ZNF813: variants seen among roughly 807,000 people sequenced by gnomAD.
ZNF813 encodes zinc finger protein 813.
ZNF813 carries 3 observed loss-of-function variants against 7.2 expected under a neutral mutation model. The observed-to-expected ratio is 0.42, with a 90% confidence interval of 0.19 to 1.08. ZNF813 has a LOEUF of 1.08. Among genes scored for constraint, ZNF813 ranks in the 50% least tolerant of loss-of-function variants. The pLI, the probability that ZNF813 is intolerant of heterozygous loss-of-function variation, is 0.30. For synonymous variants in ZNF813, 227 were observed against 256.3 expected (o/e 0.89, Z 1.09); for missense variants, 714 against 753.3 (o/e 0.95, Z 0.61).
At chr19:53,468,482 A>G (rs966360399) in intron 1 of ZNF813, among the ~76,000 whole-genome samples, 1 of 152,222 alleles carries the variant, frequency 6.6e-6, no homozygotes, top group African/African-American at 2.4e-5. Context: ...GACCGGCACC[A>G]GTGCCAGCCT....
chr19:53,491,169 A>G lies in ZNF813; in HGVS notation c.937A>G (p.Asn313Asp). The change falls in exon 4 of 4, where the codon AAC becomes GAC. Residue 313 changes from asparagine (N) to aspartate (D), a missense_variant. Transcript: ENST00000396403. ...TGACAAAGCTTTCAGTTTCAAATCA[A>G]ACCTTAAAAGACATAGGAGAATTCA... ...ECDKAFSFKSNLKRHRRIHAG... is the reference protein window; with the variant it reads ...ECDKAFSFKSDLKRHRRIHAG... The G allele has an allele frequency of 6.2e-7, 1 of 1,613,938 alleles. No homozygotes were observed.
intron 1 of ZNF813, among the ~76,000 whole-genome samples, chr19:53,474,069 G>A (rs2086371540): frequency 6.6e-6 from 1 of 152,206 alleles, no homozygotes; most frequent in South Asian, 2.1e-4. Context: ...AGCTGCAAAT[G>A]CTGGCCCATT....
Position 53,491,244 on chromosome 19 carries a change from C to G in ZNF813, c.1012C>G (p.Gln338Glu). 1.2e-6 allele frequency: 2 copies of G among 1,613,856 alleles called. No individual in the cohort carries two copies. The highest frequency in any genetic ancestry group is 1.7e-6 in the Non-Finnish European group (2 of 1,179,786). Residue 338 changes from glutamine to glutamate, a missense_variant, in exon 4 of 4, where the codon CAG becomes GAG. Physicochemically the swap from Gln to Glu is conservative, Grantham distance 29. Around this residue, in one of 3 missense-constraint regions of ZNF813, gnomAD observed 563 missense variants for 554.2 expected, o/e 1.02. Transcript: ENST00000396403. ...KCNECGKTFS[Q>E]TSSLTCHRRL... ...TAATGAATGTGGCAAGACCTTTAGT[C>G]AGACGTCATCCCTTACATGCCATCG...
At chr19:53,476,283 T>G (rs1156611194) in intron 1 of ZNF813, among the ~76,000 whole-genome samples, 1 of 152,176 alleles carries the variant, frequency 6.6e-6, no homozygotes, top group Non-Finnish European at 1.5e-5. Flanking sequence ...CAAGGTGCAG[T>G]TGCTATTTGG....
chr19:53,475,354 G>A (rs1377042078), intron 1 of ZNF813, among the ~76,000 whole-genome samples: 1 of 152,280 alleles, frequency 6.6e-6, no homozygotes, highest in African/African-American at 2.4e-5. Context: ...TTCTAGCACA[G>A]AACTACTTCC....
rs2086454543 is a variant in ZNF813, at chr19:53,490,536, C to G, written c.304C>G (p.Gln102Glu). The change falls in exon 4 of 4, where the codon CAA becomes GAA. Residue 102 changes from glutamine to glutamate, a missense_variant. Transcript: ENST00000396403. Reference protein sequence around the residue: ...KDIHNLEFQWQEDERNSHEAP... With the variant: ...KDIHNLEFQWEEDERNSHEAP... ...TATTCATAACTTAGAGTTTCAGTGGCAAGAAGATGAAAGAAATAGCCATGA... is the reference window on the plus strand; with the variant it reads ...TATTCATAACTTAGAGTTTCAGTGGGAAGAAGATGAAAGAAATAGCCATGA... The G allele has an allele frequency of 1.9e-6, 3 of 1,614,038 alleles. No individual in the cohort carries two copies. The highest frequency in any genetic ancestry group is 1.7e-6 in the Non-Finnish European group (2 of 1,180,020).
At chr19:53,482,530 C>T (rs1478659047) in intron 1 of ZNF813, among the ~76,000 whole-genome samples, 1 of 152,012 alleles carries the variant, frequency 6.6e-6, no homozygotes, top group Non-Finnish European at 1.5e-5. Flanking sequence ...GGTCATTGTC[C>T]CTCCTCTTAC....
At chr19:53,479,366 C>T in intron 1 of ZNF813, 2 of 1,590,656 alleles carry the variant, frequency 1.3e-6, no homozygotes, top group Non-Finnish European at 1.7e-6. Flanking sequence ...GGGATCACCA[C>T]CATCGAGGCA....
chr19:53,488,643 C>T (rs916893124), intron 3 of ZNF813, among the ~76,000 whole-genome samples: 1 of 148,320 alleles, frequency 6.7e-6, no homozygotes, highest in Non-Finnish European at 1.5e-5. Flanking sequence ...AGGATGGTCT[C>T]GATCTGACCT....
intron 1 of ZNF813, among the ~76,000 whole-genome samples, chr19:53,478,966 A>G (rs2086394671): frequency 7.2e-6 from 1 of 139,720 alleles, no homozygotes; most frequent in Non-Finnish European, 1.5e-5. Context: ...GCAGAATCTT[A>G]TGCAGTGACC....
At chr19:53,480,335 T>C (rs910237940) in intron 1 of ZNF813, among the ~76,000 whole-genome samples, 1 of 149,166 alleles carries the variant, frequency 6.7e-6, no homozygotes, top group African/African-American at 2.5e-5. Flanking sequence ...GTGAGCCCAA[T>C]GCATGTCTTT....
Position 53,492,053 on chromosome 19 carries a change from C to T in ZNF813, c.1821C>T (p.Tyr607=). The change falls in exon 4 of 4, where the codon TAC becomes TAT. Residue 607 remains tyrosine, a synonymous_variant. Coordinates refer to ENST00000396403, the MANE Select transcript of ZNF813 (RefSeq NM_001004301.4). ...HHRLHTGEKP[Y]KFNECGKAFN ...GACTTCATACTGGAGAGAAACCTTA[C>T]AAGTTTAATGAGTGTGGCAAAGCTT... 6.2e-7 allele frequency: 1 copy of T among 1,613,706 alleles called. No homozygotes were observed. The highest frequency in any genetic ancestry group is 8.5e-7 in the Non-Finnish European group (1 of 1,179,860).
Position 53,491,857 on chromosome 19 carries a change from A to G in ZNF813, c.1625A>G (p.His542Arg). The change falls in exon 4 of 4, where the codon CAT (histidine) becomes CGT (arginine). Residue 542 changes from histidine (H) to arginine (R), a missense_variant. His to Arg is a conservative substitution (Grantham distance 29). Transcript: ENST00000396403. ...CGAAAAACACACCTTGCACATCATC[A>G]TAGACTTCATACTGGAGATAAACCT... The part of the protein sequence containing the change: ...FNRKTHLAHH[H>R]RLHTGDKPYK... 2 of 1,613,368 alleles carry G rather than the reference A, an allele frequency of 1.2e-6. No individual in the cohort carries two copies. Among genetic ancestry groups the G allele is most frequent in the Non-Finnish European group, 1.7e-6 (2 of 1,179,470 alleles).
chr19:53,478,018 A>C (rs2086389813), intron 1 of ZNF813, among the ~76,000 whole-genome samples: 1 of 152,186 alleles, frequency 6.6e-6, no homozygotes, highest in African/African-American at 2.4e-5. Flanking sequence ...CATAGAGGTC[A>C]GCTTCCACTT....
At position 53,492,417 on chromosome 19, in the gene ZNF813, C is replaced by A; in HGVS notation, c.*331C>A. 4.4e-6 allele frequency: 2 copies of A among 450,980 alleles called. No homozygotes were observed. Among genetic ancestry groups the A allele is most frequent in the South Asian group, 2.3e-5 (1 of 44,424 alleles). The allele number at this position is 450,980 out of a possible 1,614,324, so 27.9% of individuals were successfully genotyped here. A position where few individuals can be genotyped will look rare whatever the true frequency, so the allele number is the denominator to read the frequency against. ...ACAGAGTTTTCAGTCACAAGTCAAA[C>A]CTTGAAAGACATAAAATAAATCATA... On this transcript the variant is annotated 3_prime_UTR_variant, in exon 4 of 4. Transcript: ENST00000396403.
chr19:53,485,612 A>ATATATATCATGATT lies in ZNF813; in HGVS notation c.16-1014_16-1013insTCATGATTTATATA, dbSNP rs1555843925. Reference sequence around the variant, plus strand: ...TATGTATGTCATGATATATATCGTGATATATACATGCATGTCGTGATATAT... The same window carrying ATATATATCATGATT: ...TATGTATGTCATGATATATATCGTGATATATATCATGATTTATATACATGCATGTCGTGATATAT... On this transcript the variant is annotated intron_variant, in intron 2 of 3. Transcript: ENST00000396403. Among the ~76,000 whole-genome samples the ATATATATCATGATT allele has an allele frequency of 1.1e-4, 16 of 150,994 alleles. No homozygotes were observed. The East Asian group carries it at 1.9e-3, about 18-fold the overall frequency.
chr19:53,486,489 ATG>A, intron 2 of ZNF813, 141 bp from the exon 3 acceptor site: 1 of 1,541,594 alleles, frequency 6.5e-7, no homozygotes. Context: ...GGAAGACAAA[ATG>A]TGGTGAAGAA....
intron 1 of ZNF813, among the ~76,000 whole-genome samples, chr19:53,482,722 T>TTTG (rs1555843300): frequency 4.6e-5 from 3 of 64,798 alleles, no homozygotes; most frequent in African/African-American, 4.8e-5. Context: ...GTTTTTTTTT[T>TTTG]TTTTTTTTTT....
chr19:53,469,028 T>C (rs1361576823), intron 1 of ZNF813, among the ~76,000 whole-genome samples: 1 of 152,200 alleles, frequency 6.6e-6, no homozygotes, highest in African/African-American at 2.4e-5. Flanking sequence ...CCCTGCGGCT[T>C]TCCGCAGTGC....
Sources: gnomAD v4.1 joint callset for allele counts (sites outside exome capture counted in the v4.1 genomes callset) on GRCh38, gnomAD v4.1.1 for gene constraint, gnomAD v4.1.1 regional missense constraint, MANE v1.5 for transcripts, NCBI Gene and HGNC (gene_info 2026-07-23, HGNC 2026-07-21) for gene names.